The following ANAPC10 variants were observed in gnomAD, a reference collection of about 807,000 sequenced individuals.
ANAPC10 encodes anaphase promoting complex subunit 10.
ANAPC10 carries 12 observed loss-of-function variants against 22.0 expected under a neutral mutation model. That is an observed-to-expected ratio of 0.55 (90% CI 0.35 to 0.88). The LOEUF (loss-of-function observed/expected upper bound fraction) is 0.88. ANAPC10 is among the 40% of genes least tolerant of loss of function. The probability of loss-of-function intolerance (pLI) is 0.01; values close to 1 mark genes in which losing one functional copy is unlikely to be tolerated. For synonymous variants in ANAPC10, 65 were observed against 69.5 expected (o/e 0.94, Z 0.32); for missense variants, 188 against 220.9 (o/e 0.85, Z 0.94).
rs979468797 is a variant in ANAPC10 at position 145,010,445 on chromosome 4, T to C, written c.328-14842A>G. Reference sequence around the variant, plus strand: ...ACCCAAATGACCATCGGTGATAGACTGGATTAAGAAAATGTGGCACATATA... The same window carrying C: ...ACCCAAATGACCATCGGTGATAGACCGGATTAAGAAAATGTGGCACATATA... On this transcript the variant is annotated intron_variant, in intron 4 of 4. Transcript: ENST00000507656. Among the ~76,000 whole-genome samples the C allele has an allele frequency of 2.0e-5, 3 of 152,276 alleles. No individual in the cohort carries two copies. In the East Asian group the frequency reaches 5.8e-4, roughly 29 times the overall value.
At chr4:145,095,859 T>G (rs1748428716) in intron 2 of ANAPC10, 126 bp downstream of exon 2, 2 of 1,217,092 alleles carry the variant, frequency 1.6e-6, no homozygotes, top group East Asian at 2.3e-5. Flanking sequence ...AAGGGTTCAG[T>G]ACTATCCATG....
At chr4:145,033,702 GA>G (rs773944451) in intron 4 of ANAPC10, among the ~76,000 whole-genome samples, 1 of 151,868 alleles carries the variant, frequency 6.6e-6, no homozygotes, top group Non-Finnish European at 1.5e-5. Context: ...ACTCCACCAG[GA>G]AAAAAAATCC....
At chr4:145,042,439 T>C (rs558573681) in intron 4 of ANAPC10, among the ~76,000 whole-genome samples, 1 of 152,288 alleles carries the variant, frequency 6.6e-6, no homozygotes, top group African/African-American at 2.4e-5. Flanking sequence ...ATAAATAAAA[T>C]AGATTTTAAA....
At chr4:145,084,233 A>G (rs1380103851) in intron 2 of ANAPC10, among the ~76,000 whole-genome samples, 1 of 152,258 alleles carries the variant, frequency 6.6e-6, no homozygotes, top group Admixed American at 6.5e-5. Flanking sequence ...TGTGCATACT[A>G]GTGGATAAAA....
intron 4 of ANAPC10, among the ~76,000 whole-genome samples, chr4:145,043,343 A>C (rs951722337): frequency 1.3e-5 from 2 of 152,194 alleles, no homozygotes; most frequent in African/African-American, 2.4e-5. Flanking sequence ...ATAAGTAATC[A>C]AATTTCAAAC....
At chr4:145,011,312 G>A (rs1229584137) in intron 4 of ANAPC10, among the ~76,000 whole-genome samples, 1 of 122,784 alleles carries the variant, frequency 8.1e-6, no homozygotes, top group Admixed American at 9.3e-5. Context: ...ACTCTGGCCT[G>A]GATGACAGAA....
intron 2 of ANAPC10, among the ~76,000 whole-genome samples, chr4:145,085,673 T>G (rs1746781329): frequency 6.6e-6 from 1 of 152,182 alleles, no homozygotes; most frequent in Non-Finnish European, 1.5e-5. Flanking sequence ...ATAGTACAAC[T>G]AAGCAGGTCT....
rs540583890 is a variant in ANAPC10, at chr4:145,046,847, C to T, written c.327+17725G>A. On this transcript the variant is annotated intron_variant, in intron 4 of 4. Coordinates refer to ENST00000507656, the MANE Select transcript of ANAPC10 (RefSeq NM_001256706.2). ...AGTAAGGAATTGAATCCAAGACAACCTATCCATTTTCCATAACTTGAGCAT... is the reference window on the plus strand; with the variant it reads ...AGTAAGGAATTGAATCCAAGACAACTTATCCATTTTCCATAACTTGAGCAT... Among the ~76,000 whole-genome samples, 3 of 152,152 alleles carry T rather than the reference C, an allele frequency of 2.0e-5. No individual in the cohort carries two copies. The East Asian group carries it at 5.8e-4, about 29-fold the overall frequency.
intron 4 of ANAPC10, among the ~76,000 whole-genome samples, chr4:145,010,890 A>G (rs1734198422): frequency 6.6e-6 from 1 of 152,120 alleles, no homozygotes; most frequent in Admixed American, 6.5e-5. Context: ...GGAAAAAAAA[A>G]CAAAAATATA....
At chr4:145,076,271 C>A (rs1475980433) in intron 3 of ANAPC10, among the ~76,000 whole-genome samples, 1 of 152,182 alleles carries the variant, frequency 6.6e-6, no homozygotes, top group Admixed American at 6.5e-5. Context: ...GGCCAGAGAA[C>A]AAGGTTTTGG....
intron 4 of ANAPC10, among the ~76,000 whole-genome samples, chr4:145,003,374 T>C (rs1223373532): frequency 2.0e-5 from 3 of 152,346 alleles, no homozygotes; most frequent in Admixed American, 6.5e-5. Flanking sequence ...GAACGATTTA[T>C]ATTCCCTTGG....
chr4:145,073,995 C>T (rs1200068631), intron 3 of ANAPC10, among the ~76,000 whole-genome samples: 1 of 151,660 alleles, frequency 6.6e-6, no homozygotes, highest in Admixed American at 6.6e-5. Context: ...TACATTAGTC[C>T]CTATAATCCA....
intron 4 of ANAPC10, among the ~76,000 whole-genome samples, chr4:145,063,544 G>T (rs1341914988): frequency 6.6e-6 from 1 of 152,052 alleles, no homozygotes; most frequent in East Asian, 1.9e-4. Flanking sequence ...TTAACTGGAG[G>T]CCTTTCAAAG....
intron 4 of ANAPC10, among the ~76,000 whole-genome samples, chr4:145,046,992 G>A (rs969404505): frequency 6.6e-6 from 1 of 152,098 alleles, no homozygotes; most frequent in African/African-American, 2.4e-5. Flanking sequence ...ATGGATGGGC[G>A]TAAAGTTATA....
chr4:145,049,496 C>G (rs1390575487), intron 4 of ANAPC10, among the ~76,000 whole-genome samples: 1 of 152,142 alleles, frequency 6.6e-6, no homozygotes, highest in Admixed American at 6.5e-5. Flanking sequence ...AAACTACTTT[C>G]TTAGCTCATT....
At position 145,081,101 on chromosome 4, in the gene ANAPC10, T is replaced by C. The variant is rs181145584; in HGVS notation, c.206+559A>G. ...GCTTGGCCAACATAGCGGCCAACTGTCTCTTATTTAAAATTTTAAAAATCT... is the reference window on the plus strand; with the variant it reads ...GCTTGGCCAACATAGCGGCCAACTGCCTCTTATTTAAAATTTTAAAAATCT... On this transcript the variant is annotated intron_variant, in intron 3 of 4. Coordinates refer to ENST00000507656, the MANE Select transcript of ANAPC10 (RefSeq NM_001256706.2). Among the ~76,000 whole-genome samples, 670 of 151,932 alleles carry C rather than the reference T, an allele frequency of 4.4e-3. 3 individuals carry two copies. The highest frequency in any genetic ancestry group is 0.015 in the African/African-American group (612 of 41,420).
intron 2 of ANAPC10, among the ~76,000 whole-genome samples, chr4:145,089,202 T>C (rs914190429): frequency 2.6e-5 from 4 of 152,282 alleles, no homozygotes; most frequent in Non-Finnish European, 4.4e-5. Context: ...AAGGCCATAA[T>C]TGTCAGTTAT....
intron 4 of ANAPC10, among the ~76,000 whole-genome samples, chr4:145,059,454 T>C (rs1258016126): frequency 3.3e-5 from 5 of 152,110 alleles, no homozygotes; most frequent in African/African-American, 4.8e-5. Context: ...AGCTTTATTA[T>C]CTGAAGACAA....
chr4:145,058,062 A>G (rs1327086607), intron 4 of ANAPC10, among the ~76,000 whole-genome samples: 3 of 152,142 alleles, frequency 2.0e-5, no homozygotes, highest in African/African-American at 4.8e-5. Flanking sequence ...GTACAATCTG[A>G]CTATACATTT....
Sources: gnomAD v4.1 joint callset for allele counts (sites outside exome capture counted in the v4.1 genomes callset) on GRCh38, gnomAD v4.1.1 for gene constraint, MANE v1.5 for transcripts, NCBI Gene and HGNC (gene_info 2026-07-23, HGNC 2026-07-21) for gene names.